Variants in SLAIN2 observed in about 807,000 individuals in gnomAD.
The protein encoded by SLAIN2 is SLAIN family member 2, also known as SLAIN motif-containing protein 2.
Under a neutral mutation model 56.6 loss-of-function variants are expected in SLAIN2, and 31 were observed. The observed-to-expected ratio is 0.55, with a 90% CI of 0.41 to 0.74. The LOEUF is 0.74. Ranked by LOEUF, SLAIN2 falls within the 30% of genes least tolerant of loss-of-function variation. SLAIN2 has a pLI of 0.00. For missense variants in SLAIN2, 777 were observed against 754.2 expected (o/e 1.03, Z -0.35); for synonymous variants, 317 against 284.9 (o/e 1.11, Z -1.13).
chr4:48,344,494 G>A (rs923657456), intron 1 of SLAIN2, among the ~76,000 whole-genome samples: 3 of 152,302 alleles, frequency 2.0e-5, no homozygotes, highest in African/African-American at 7.2e-5. Flanking sequence ...TGGGTTCTGG[G>A]ATGGAATAAA....
At chr4:48,357,146 T>C (rs1429444547) in intron 1 of SLAIN2, among the ~76,000 whole-genome samples, 1 of 151,294 alleles carries the variant, frequency 6.6e-6, no homozygotes, top group Non-Finnish European at 1.5e-5. Context: ...TATAGTATTA[T>C]ATATCTTTTA....
Position 48,405,204 on chromosome 4 carries a change from C to G in SLAIN2, c.1361-14921C>G, listed in dbSNP as rs550965919. Among the ~76,000 whole-genome samples, 6 of 152,274 alleles carry G rather than the reference C, an allele frequency of 3.9e-5. 1 individual carries two copies. The highest frequency in any genetic ancestry group is 1.4e-4 in the African/African-American group (6 of 41,554). On this transcript the variant is annotated intron_variant, in intron 6 of 7. Coordinates refer to ENST00000264313, the MANE Select transcript of SLAIN2 (RefSeq NM_020846.2). ...CGCCCTTACCATCCATATCAGGAGA[C>G]TAGAACTTGGCACCTCTGACATCGT...
chr4:48,374,394 A>T (rs531537240), intron 2 of SLAIN2, among the ~76,000 whole-genome samples: 1 of 151,874 alleles, frequency 6.6e-6, no homozygotes, highest in East Asian at 2.0e-4. Flanking sequence ...CTGCCACCAG[A>T]CCCAGCTAAT....
chr4:48,368,764 T>G (rs1255383014), intron 1 of SLAIN2, among the ~76,000 whole-genome samples: 1 of 152,162 alleles, frequency 6.6e-6, no homozygotes, highest in Non-Finnish European at 1.5e-5. Flanking sequence ...GATTGTAGAC[T>G]AAAGAAATGG....
Position 48,375,281 on chromosome 4 carries a change from A to AAT in SLAIN2, c.539-2607_539-2606dup, listed in dbSNP as rs532498389. Among the ~76,000 whole-genome samples the AAT allele has an allele frequency of 3.5e-3, 529 of 152,268 alleles. 10 individuals carry two copies. The highest frequency in any genetic ancestry group is 1.8e-3 in the Non-Finnish European group (120 of 68,026). ...AGATCATGCCACATACTGCATACTA[A>AAT]ATATATATAAAATATTGTTTTATCT... On this transcript the variant is annotated intron_variant, in intron 2 of 7. Coordinates refer to ENST00000264313, the MANE Select transcript of SLAIN2 (RefSeq NM_020846.2).
At chr4:48,371,049 A>G (rs1715648782) in intron 2 of SLAIN2, among the ~76,000 whole-genome samples, 1 of 151,818 alleles carries the variant, frequency 6.6e-6, no homozygotes, top group South Asian at 2.1e-4. Context: ...TTGACACTAA[A>G]GTATTACTTT....
At chr4:48,372,025 CACATATATATACATATACATATATACAT>C (rs1387297385) in intron 2 of SLAIN2, among the ~76,000 whole-genome samples, 21 of 146,732 alleles carry the variant, frequency 1.4e-4, no homozygotes, top group African/African-American at 4.9e-4. Context: ...TACATATATA[CACATATATATACATATACATATATACAT>C]ATATATATAT....
intron 1 of SLAIN2, among the ~76,000 whole-genome samples, chr4:48,346,855 T>TA (rs1320665662): frequency 3.0e-5 from 4 of 132,454 alleles, no homozygotes; most frequent in African/African-American, 1.2e-4. Flanking sequence ...TTTTTTTTTT[T>TA]AAGAGACAGG....
chr4:48,420,516 TC>T, intron 7 of SLAIN2, 73 bp downstream of exon 7: 1 of 1,521,678 alleles, frequency 6.6e-7, no homozygotes, highest in Non-Finnish European at 9.0e-7. Context: ...ATTAGCTTCA[TC>T]CGTATGTTTG....
intron 6 of SLAIN2, among the ~76,000 whole-genome samples, chr4:48,398,361 A>G (rs1716464380): frequency 6.6e-6 from 1 of 151,858 alleles, no homozygotes; most frequent in Non-Finnish European, 1.5e-5. Context: ...TTTCTTGTAA[A>G]TTTGTTTCAG....
intron 1 of SLAIN2, among the ~76,000 whole-genome samples, chr4:48,347,592 G>A (rs1174023234): frequency 6.6e-6 from 1 of 152,164 alleles, no homozygotes; most frequent in Non-Finnish European, 1.5e-5. Context: ...ATTTGGAGTT[G>A]TAATTATTAT....
intron 6 of SLAIN2, among the ~76,000 whole-genome samples, chr4:48,404,637 C>G (rs1716647382): frequency 6.6e-6 from 1 of 152,196 alleles, no homozygotes; most frequent in African/African-American, 2.4e-5. Flanking sequence ...TCCTGTTAGA[C>G]CATTTCATGC....
At chr4:48,386,285 C>G (rs535878980) in intron 6 of SLAIN2, among the ~76,000 whole-genome samples, 1 of 151,876 alleles carries the variant, frequency 6.6e-6, no homozygotes, top group African/African-American at 2.4e-5. Context: ...CGATTATTAC[C>G]ACATTTTACA....
intron 6 of SLAIN2, among the ~76,000 whole-genome samples, chr4:48,412,430 T>C (rs1560465919): frequency 6.9e-6 from 1 of 144,104 alleles, no homozygotes; most frequent in East Asian, 2.0e-4. Context: ...CCTCTCTCTC[T>C]CTCTCTCTGT....
chr4:48,345,393 T>C (rs753783710), intron 1 of SLAIN2, among the ~76,000 whole-genome samples: 16 of 152,216 alleles, frequency 1.1e-4, no homozygotes, highest in Non-Finnish European at 1.3e-4. Flanking sequence ...TTTTCTTAAT[T>C]AACTCTAAGT....
In SLAIN2 at chr4:48,345,580, C is replaced by A. The variant is rs145527904; in HGVS notation, c.389+3452C>A. On this transcript the variant is annotated intron_variant, in intron 1 of 7. Transcript: ENST00000264313. ...ATGAGCCTGAAGTATCAACTTCTCT[C>A]CCATATATTTTATACATAAGATGTT... 7.2e-4 allele frequency among the ~76,000 whole-genome samples: 109 copies of A among 152,052 alleles called. No individual in the cohort carries two copies. In the East Asian group the frequency reaches 0.019, roughly 26 times the overall value.
intron 1 of SLAIN2, among the ~76,000 whole-genome samples, chr4:48,355,510 A>G (rs10000288): frequency 0.3 from 45,073 of 151,962 alleles, 6,882 homozygotes; most frequent in South Asian, 0.48. Context: ...GTGCTTTCTG[A>G]TCATCTCAGA....
rs187482399 is a variant in SLAIN2, at chr4:48,384,796, T to C, written c.1360+1012T>C. On this transcript the variant is annotated intron_variant, in intron 6 of 7. Transcript: ENST00000264313. ...GGCATTTCTACTATAGCACAAAATA[T>C]GCACTCCTTAAAAACCTCACATTCT... 7.9e-5 allele frequency among the ~76,000 whole-genome samples: 12 copies of C among 152,290 alleles called. 1 individual carries two copies. Among genetic ancestry groups the C allele is most frequent in the African/African-American group, 2.9e-4 (12 of 41,570 alleles).
chr4:48,355,066 G>A (rs144389143), intron 1 of SLAIN2, among the ~76,000 whole-genome samples: 3,895 of 151,980 alleles, frequency 0.026, 67 homozygotes, highest in Admixed American at 0.044. Flanking sequence ...GTTTTTAGTA[G>A]AGGTGGGGTT....
Sources: allele counts gnomAD v4.1 joint callset (sites outside exome capture counted in the v4.1 genomes callset), GRCh38; gene constraint gnomAD v4.1.1; transcripts MANE v1.5; gene names NCBI Gene and HGNC (gene_info 2026-07-23, HGNC 2026-07-21).